Variants in SLC35D2 observed in about 807,000 individuals in gnomAD.
SLC35D2 encodes solute carrier family 35 member D2.
Under a neutral mutation model 41.8 loss-of-function variants are expected in SLC35D2, and 43 were observed. The ratio of observed to expected loss-of-function variants is 1.03; its 90% CI spans 0.81 to 1.33. SLC35D2 has a LOEUF of 1.33. Ranked by LOEUF, SLC35D2 falls within the 40% of genes most tolerant of loss-of-function variation. SLC35D2 has a pLI of 0.00. For synonymous variants in SLC35D2, 150 were observed against 163.9 expected (o/e 0.92, Z 0.65); for missense variants, 380 against 408.4 (o/e 0.93, Z 0.60).
At chr9:96,365,372 A>G (rs905873704) in intron 2 of SLC35D2, among the ~76,000 whole-genome samples, 29 of 152,086 alleles carry the variant, frequency 1.9e-4, no homozygotes, top group Admixed American at 7.2e-4. Context: ...AAAAAAAAAA[A>G]GTGTAATATC....
chr9:96,340,348 G>A (rs1829258907), intron 8 of SLC35D2, among the ~76,000 whole-genome samples: 1 of 152,112 alleles, frequency 6.6e-6, no homozygotes, highest in South Asian at 2.1e-4. Flanking sequence ...GCTGGGCGCA[G>A]TGGCTCACGT....
At chr9:96,331,713 C>T (rs1828817796) in intron 9 of SLC35D2, among the ~76,000 whole-genome samples, 1 of 152,172 alleles carries the variant, frequency 6.6e-6, no homozygotes, top group Non-Finnish European at 1.5e-5. Flanking sequence ...TCCCCAAGCC[C>T]CAGGCCGCAG....
intron 4 of SLC35D2, among the ~76,000 whole-genome samples, chr9:96,356,113 T>A (rs1184438985): frequency 6.6e-6 from 1 of 152,120 alleles, no homozygotes; most frequent in Non-Finnish European, 1.5e-5. Flanking sequence ...GAAGGTTGAT[T>A]GTTAAAGGAG....
At chr9:96,363,922 C>T (rs753584220) in intron 3 of SLC35D2, among the ~76,000 whole-genome samples, 2 of 152,204 alleles carry the variant, frequency 1.3e-5, no homozygotes, top group Non-Finnish European at 2.9e-5. Context: ...CTTCCCAAGA[C>T]ACACAGTATT....
intron 9 of SLC35D2, among the ~76,000 whole-genome samples, chr9:96,332,558 C>T (rs987905099): frequency 6.6e-6 from 1 of 152,084 alleles, no homozygotes; most frequent in African/African-American, 2.4e-5. Context: ...GCAGGCAGAT[C>T]ACCTGAGATC....
chr9:96,383,106 A>G (rs1265008658), intron 1 of SLC35D2, among the ~76,000 whole-genome samples: 1 of 152,214 alleles, frequency 6.6e-6, no homozygotes, highest in Non-Finnish European at 1.5e-5. Flanking sequence ...TTACTGGCTC[A>G]GGAGTACCTG....
At chr9:96,325,087 A>AC (rs1190079931) in intron 9 of SLC35D2, among the ~76,000 whole-genome samples, 5 of 152,202 alleles carry the variant, frequency 3.3e-5, no homozygotes, top group Non-Finnish European at 7.3e-5. Context: ...TGTAACTGTT[A>AC]CCAAAGTTAA....
At chr9:96,383,365 G>T in intron 1 of SLC35D2, 112 bp downstream of exon 1, 1 of 723,748 alleles carries the variant, frequency 1.4e-6, no homozygotes, top group Non-Finnish European at 2.0e-6. Context: ...GCCCAGCTGA[G>T]ACTCGAGGGT....
intron 2 of SLC35D2, among the ~76,000 whole-genome samples, chr9:96,366,517 A>ATTTTTTTTTTTTTTTTTTTTTTTT (rs34820429): frequency 9.7e-6 from 1 of 103,610 alleles, no homozygotes; most frequent in Non-Finnish European, 1.9e-5. Context: ...CTTATCACTG[A>ATTTTTTTTTTTTTTTTTTTTTTTT]TTTTTTTTTT....
At chr9:96,371,714 ATTTCTTT>A (rs1260488102) in intron 1 of SLC35D2, among the ~76,000 whole-genome samples, 1 of 131,174 alleles carries the variant, frequency 7.6e-6, no homozygotes, top group Non-Finnish European at 1.6e-5. Flanking sequence ...TTAAAACTAA[ATTTCTTT>A]TTTTTTTTTT....
chr9:96,323,602 C>T (rs1828357587), intron 10 of SLC35D2, among the ~76,000 whole-genome samples: 2 of 152,154 alleles, frequency 1.3e-5, no homozygotes, highest in Non-Finnish European at 2.9e-5. Flanking sequence ...AATTAGCAAT[C>T]TGTCCCTCTA....
chr9:96,320,514 TCA>T (rs1491403094), downstream of SLC35D2, among the ~76,000 whole-genome samples: 1 of 126,840 alleles, frequency 7.9e-6, no homozygotes, highest in African/African-American at 3.7e-5. Flanking sequence ...AGACTCTGTC[TCA>T]AAAAAAAAAA....
intron 8 of SLC35D2, among the ~76,000 whole-genome samples, chr9:96,343,516 T>C (rs1280768849): frequency 6.6e-6 from 1 of 152,190 alleles, no homozygotes; most frequent in African/African-American, 2.4e-5. Flanking sequence ...TTGTGCATGT[T>C]TCAAAATGTC....
intron 9 of SLC35D2, among the ~76,000 whole-genome samples, chr9:96,325,424 C>T (rs772714818): frequency 3.3e-5 from 5 of 152,160 alleles, no homozygotes; most frequent in African/African-American, 4.8e-5. Context: ...GGCTCATGCC[C>T]ATAATCCCAG....
At chr9:96,320,103 C>A (rs1828155511), downstream of SLC35D2, among the ~76,000 whole-genome samples, 2 of 152,238 alleles carry the variant, frequency 1.3e-5, no homozygotes, top group African/African-American at 4.8e-5. Context: ...TTTGGGCCTC[C>A]TTCCCATACA....
chr9:96,357,946 G>C (rs993243860), intron 4 of SLC35D2, among the ~76,000 whole-genome samples: 24 of 151,862 alleles, frequency 1.6e-4, no homozygotes, highest in African/African-American at 5.6e-4. Context: ...GACCGAGACA[G>C]GAGAATCGCT....
intron 1 of SLC35D2, among the ~76,000 whole-genome samples, chr9:96,379,294 G>A (rs1345028525): frequency 5.2e-5 from 6 of 116,344 alleles, no homozygotes; most frequent in Non-Finnish European, 1.3e-4. Context: ...GTGACAGAGT[G>A]AGACCCTGTC....
Position 96,320,914 on chromosome 9 carries a change from C to A in SLC35D2, c.*328G>T. ...GCTGATCAGAAAAGAGTCACCATTA[C>A]ATCAACCTCCTCCCCAGCACACAGC... On this transcript the variant is annotated 3_prime_UTR_variant, in exon 12 of 12. Transcript: ENST00000253270. The A allele has an allele frequency of 5.2e-6, 1 of 190,774 alleles. No individual in the cohort carries two copies. Among genetic ancestry groups the A allele is most frequent in the Non-Finnish European group, 1.1e-5 (1 of 93,416 alleles). 11.8% of individuals were successfully genotyped at this position (190,774 alleles called of 1,614,324 possible). A position where few individuals can be genotyped will look rare whatever the true frequency, so the allele number is the denominator to read the frequency against.
chr9:96,313,652 C>T (rs367763952), exon 12 of SLC35D2, among the ~76,000 whole-genome samples: 4 of 152,332 alleles, frequency 2.6e-5, no homozygotes, highest in East Asian at 1.9e-4. Context: ...AACAAAGACA[C>T]TCCTCTTTGG....
Sources: allele counts gnomAD v4.1 joint callset (sites outside exome capture counted in the v4.1 genomes callset), GRCh38; gene constraint gnomAD v4.1.1; transcripts MANE v1.5; gene names NCBI Gene and HGNC (gene_info 2026-07-23, HGNC 2026-07-21).